SMARCAL1: variants seen among roughly 807,000 people sequenced by gnomAD.
The protein encoded by SMARCAL1 is SNF2 related chromatin remodeling annealing helicase 1.
A neutral mutation model predicts 94.5 loss-of-function variants in SMARCAL1; 58 were observed. The ratio of observed to expected loss-of-function variants is 0.61; its 90% confidence interval spans 0.50 to 0.76. The LOEUF (loss-of-function observed/expected upper bound fraction) is 0.76. Among genes scored for constraint, SMARCAL1 ranks in the 30% least tolerant of loss-of-function variants. SMARCAL1 has a pLI of 0.00. For synonymous variants in SMARCAL1, 422 were observed against 455.1 expected (o/e 0.93, Z 0.93); for missense variants, 1,051 against 1,177.9 (o/e 0.89, Z 1.58).
intron 3 of SMARCAL1, 56 bp downstream of exon 3, chr2:216,415,571 T>A (rs1693581524): frequency 7.0e-6 from 10 of 1,421,422 alleles, no homozygotes; most frequent in African/African-American, 2.8e-5. Flanking sequence ...TTGGAGTCTC[T>A]TTTAATCTAA....
At position 216,466,758 on chromosome 2, in the gene SMARCAL1, G is replaced by A. The variant is rs185463030; in HGVS notation, c.2142-1186G>A. On this transcript the variant is annotated intron_variant, in intron 13 of 17. Coordinates refer to ENST00000357276, the MANE Select transcript of SMARCAL1 (RefSeq NM_014140.4). ...CTTGTGACTTTTTGATGCTGTAGCC[G>A]TAAACTTTTTTGCTTATATCATGGC... 2.2e-4 allele frequency among the ~76,000 whole-genome samples: 34 copies of A among 152,204 alleles called. No homozygotes were observed. In the East Asian group the frequency reaches 5.2e-3, roughly 23 times the overall value.
chr2:216,429,631 T>C (rs1693918346), intron 7 of SMARCAL1, among the ~76,000 whole-genome samples: 1 of 152,108 alleles, frequency 6.6e-6, no homozygotes, highest in African/African-American at 2.4e-5. Flanking sequence ...TAGAGCCCTG[T>C]GCAAGGGAAG....
intron 12 of SMARCAL1, among the ~76,000 whole-genome samples, chr2:216,463,080 C>A (rs1017649125): frequency 6.6e-6 from 1 of 152,182 alleles, no homozygotes; most frequent in African/African-American, 2.4e-5. Context: ...GCTGTGGTTG[C>A]TTTCCTGAGT....
At chr2:216,432,959 T>C in intron 8 of SMARCAL1, 91 bp downstream of exon 8, 1 of 1,502,616 alleles carries the variant, frequency 6.7e-7, no homozygotes. Flanking sequence ...GGCCTAGGGA[T>C]CTTTAAGGAT....
intron 14 of SMARCAL1, among the ~76,000 whole-genome samples, chr2:216,472,673 A>AAG (rs369855623): frequency 2.1e-4 from 32 of 151,460 alleles, no homozygotes; most frequent in Non-Finnish European, 3.1e-4. Flanking sequence ...AAAAAAAAAA[A>AAG]GGGGGCAACC....
chr2:216,458,815 G>A (rs1211813508), intron 12 of SMARCAL1, among the ~76,000 whole-genome samples: 2 of 152,154 alleles, frequency 1.3e-5, no homozygotes, highest in African/African-American at 2.4e-5. Context: ...TCAGCATAGT[G>A]TTGGAAGTTC....
chr2:216,454,816 CT>C, intron 12 of SMARCAL1, among the ~76,000 whole-genome samples: 1 of 152,190 alleles, frequency 6.6e-6, no homozygotes, highest in South Asian at 2.1e-4. Flanking sequence ...AACTGAGGTA[CT>C]GGGTTCATCT....
chr2:216,478,149 A>C (rs1002763159), intron 16 of SMARCAL1, 54 bp from the exon 17 acceptor site: 1 of 1,387,072 alleles, frequency 7.2e-7, no homozygotes, highest in African/African-American at 1.4e-5. Context: ...CATTTTCATT[A>C]GTCTGGTGGT....
At chr2:216,461,590 G>A (rs1292141091) in intron 12 of SMARCAL1, among the ~76,000 whole-genome samples, 1 of 152,124 alleles carries the variant, frequency 6.6e-6, no homozygotes, top group Admixed American at 6.5e-5. Context: ...CATTTTGGGA[G>A]GCCAAGGCAG....
intron 10 of SMARCAL1, among the ~76,000 whole-genome samples, chr2:216,446,275 G>A (rs950812953): frequency 2.6e-5 from 4 of 152,214 alleles, no homozygotes; most frequent in African/African-American, 9.7e-5. Context: ...TGCTAAGCAG[G>A]CTGCTGCACA....
At chr2:216,453,079 G>T (rs1401377892) in intron 12 of SMARCAL1, among the ~76,000 whole-genome samples, 1 of 152,156 alleles carries the variant, frequency 6.6e-6, no homozygotes, top group Non-Finnish European at 1.5e-5. Flanking sequence ...CCTGCCTACT[G>T]GGTGATTATC....
intron 12 of SMARCAL1, among the ~76,000 whole-genome samples, chr2:216,463,188 TC>T (rs1287818812): frequency 1.1e-4 from 17 of 152,186 alleles, no homozygotes; most frequent in Admixed American, 7.9e-4. Context: ...CAGTCACAGA[TC>T]TTACAGAGGC....
In SMARCAL1 at chr2:216,415,383, G is replaced by C. The variant is rs1286769892; in HGVS notation, c.679G>C (p.Gly227Arg). 1 of 1,614,250 alleles carries C rather than the reference G, an allele frequency of 6.2e-7. No individual in the cohort carries two copies. The highest frequency in any genetic ancestry group is 1.1e-5 in the South Asian group (1 of 91,088). Residue 227 changes from glycine (G) to arginine (R), a missense_variant, in exon 3 of 18, where the codon GGG becomes CGG. Gly to Arg is a moderately radical substitution (Grantham distance 125, BLOSUM62 -2). Around this residue, in one of 3 missense-constraint regions of SMARCAL1, gnomAD observed 398 missense variants for 395.2 expected, o/e 1.01. Coordinates refer to ENST00000357276, the MANE Select transcript of SMARCAL1 (RefSeq NM_014140.4). ...RTEGRLQQKS[G>R]SSVQKGVNSQ... ...AGAAGGAAGACTCCAGCAGAAGTCA[G>C]GGTCCTCAGTCCAAAAAGGAGTGAA... is the stretch of plus-strand genomic sequence containing the variant.
chr2:216,425,021 C>T (rs1013102336), intron 6 of SMARCAL1, among the ~76,000 whole-genome samples: 5 of 152,144 alleles, frequency 3.3e-5, no homozygotes, highest in Admixed American at 2.6e-4. Context: ...CAGGCTCAAG[C>T]GATTGTCCTG....
In SMARCAL1 at chr2:216,482,261, T is replaced by C. The variant is rs1422831571; in HGVS notation, c.2626-477T>C. 6.6e-6 allele frequency among the ~76,000 whole-genome samples: 1 copy of C among 152,110 alleles called. No individual in the cohort carries two copies. The highest frequency in any genetic ancestry group is 1.5e-5 in the Non-Finnish European group (1 of 68,026). Reference sequence around the variant, plus strand: ...TGAGCTCAGGAGTTCGAGACCAGCCTGGGCAACATTTAGTGAGATCCCATC... The same window carrying C: ...TGAGCTCAGGAGTTCGAGACCAGCCCGGGCAACATTTAGTGAGATCCCATC... On this transcript the variant is annotated intron_variant, in intron 17 of 17. Coordinates refer to ENST00000357276, the MANE Select transcript of SMARCAL1 (RefSeq NM_014140.4). This position sits in a 1 kb window ranked among gnomAD's most constrained non-coding sequence, Gnocchi z 4.3.
intron 12 of SMARCAL1, among the ~76,000 whole-genome samples, chr2:216,455,960 T>C (rs1457663862): frequency 6.6e-6 from 1 of 152,184 alleles, no homozygotes; most frequent in Non-Finnish European, 1.5e-5. Context: ...GAAAAAAGAT[T>C]AGACGAATGG....
At chr2:216,431,933 C>G (rs373612726) in intron 7 of SMARCAL1, among the ~76,000 whole-genome samples, 1 of 152,192 alleles carries the variant, frequency 6.6e-6, no homozygotes, top group Admixed American at 6.5e-5. Context: ...TTGCCAGCCC[C>G]TTTCTCTGCC....
chr2:216,414,144 C>T (rs953362753), intron 2 of SMARCAL1: 3 of 153,390 alleles, frequency 2.0e-5, no homozygotes, highest in Admixed American at 1.3e-4. Context: ...GCCTTTTTAG[C>T]TTTGGATTTG....
chr2:216,459,523 C>A (rs1394926412), intron 12 of SMARCAL1, among the ~76,000 whole-genome samples: 2 of 152,038 alleles, frequency 1.3e-5, no homozygotes, highest in African/African-American at 4.8e-5. Context: ...CCCTCAGAAA[C>A]AATACCACAC....
Sources: allele counts gnomAD v4.1 joint callset (sites outside exome capture counted in the v4.1 genomes callset), GRCh38; gene constraint gnomAD v4.1.1; regional missense constraint gnomAD v4.1.1; non-coding constraint Gnocchi (gnomAD v3.1); transcripts MANE v1.5; gene names NCBI Gene and HGNC (gene_info 2026-07-23, HGNC 2026-07-21).